COX10: variants seen among roughly 807,000 people sequenced by gnomAD.
COX10 encodes the protein protoheme IX farnesyltransferase, mitochondrial.
Under a neutral mutation model 37.3 loss-of-function variants are expected in COX10, and 27 were observed. That is an observed-to-expected ratio of 0.72 (90% CI 0.53 to 1.00). The LOEUF is 1.00. Ranked by LOEUF, COX10 falls within the 50% of genes least tolerant of loss-of-function variation. COX10 has a pLI of 0.00. For synonymous variants in COX10, 222 were observed against 229.1 expected (o/e 0.97, Z 0.28); for missense variants, 475 against 563.2 (o/e 0.84, Z 1.59).
In COX10 at chr17:14,115,113, C is replaced by G. The variant is rs996857794; in HGVS notation, c.624+12871C>G. Among the ~76,000 whole-genome samples the G allele has an allele frequency of 2.6e-5, 4 of 152,184 alleles. No individual in the cohort carries two copies. The East Asian group carries it at 7.7e-4, about 29-fold the overall frequency. ...TGGCTGCTGAATAAATGAAGGAGAG[C>G]ATGGGTCAACAAATGAGAACATAAA... On this transcript the variant is annotated intron_variant, in intron 4 of 6. Coordinates refer to ENST00000261643, the MANE Select transcript of COX10 (RefSeq NM_001303.4).
intron 4 of COX10, among the ~76,000 whole-genome samples, chr17:14,131,819 G>A (rs1465079907): frequency 1.3e-5 from 2 of 151,944 alleles, no homozygotes; most frequent in Non-Finnish European, 2.9e-5. Context: ...ACATACACAT[G>A]CCTGGAAAGG....
At chr17:14,151,692 A>G (rs1904902409) in intron 4 of COX10, among the ~76,000 whole-genome samples, 1 of 152,188 alleles carries the variant, frequency 6.6e-6, no homozygotes, top group Non-Finnish European at 1.5e-5. Flanking sequence ...ATGAAATTCA[A>G]TTAAAGTACA....
intron 6 of COX10, among the ~76,000 whole-genome samples, chr17:14,197,436 T>TC (rs1045480020): frequency 5.9e-5 from 9 of 152,126 alleles, no homozygotes; most frequent in African/African-American, 1.9e-4. Flanking sequence ...TGATTTTTTT[T>TC]CCCCCCACAA....
At chr17:14,126,007 C>T (rs1916335224) in intron 4 of COX10, among the ~76,000 whole-genome samples, 1 of 152,118 alleles carries the variant, frequency 6.6e-6, no homozygotes, top group African/African-American at 2.4e-5. Context: ...GGAGAACTCT[C>T]TCTGGGATAG....
intron 4 of COX10, among the ~76,000 whole-genome samples, chr17:14,106,126 C>G (rs544290649): frequency 3.9e-5 from 6 of 152,058 alleles, no homozygotes; most frequent in Non-Finnish European, 8.8e-5. Context: ...AAGCAATTCT[C>G]CTGCCGCAGC....
At chr17:14,136,148 A>G (rs930801020) in intron 4 of COX10, among the ~76,000 whole-genome samples, 18 of 152,016 alleles carry the variant, frequency 1.2e-4, no homozygotes, top group Admixed American at 1.1e-3. Flanking sequence ...ATTCATTGGG[A>G]AAGAGATGAA....
intron 5 of COX10, among the ~76,000 whole-genome samples, chr17:14,189,843 C>T (rs1389108315): frequency 1.3e-5 from 2 of 152,048 alleles, no homozygotes; most frequent in Admixed American, 6.5e-5. Flanking sequence ...TGTGTGTGGT[C>T]CACTCCATCA....
intron 4 of COX10, among the ~76,000 whole-genome samples, chr17:14,108,721 G>T (rs981419196): frequency 6.6e-6 from 1 of 152,112 alleles, no homozygotes; most frequent in Non-Finnish European, 1.5e-5. Flanking sequence ...TTATAGAGTA[G>T]GTAGGGCAAA....
At chr17:14,186,168 A>G (rs574540819) in intron 5 of COX10, among the ~76,000 whole-genome samples, 2 of 152,280 alleles carry the variant, frequency 1.3e-5, no homozygotes, top group Non-Finnish European at 2.9e-5. Context: ...TGACTTCCAC[A>G]TGGCAGGCAG....
intron 5 of COX10, among the ~76,000 whole-genome samples, chr17:14,165,593 C>T (rs1407247479): frequency 3.9e-5 from 6 of 152,124 alleles, no homozygotes; most frequent in Admixed American, 2.6e-4. Context: ...TTGAAATTAG[C>T]CCAATTAATA....
At chr17:14,167,146 A>G (rs1905313363) in intron 5 of COX10, among the ~76,000 whole-genome samples, 2 of 152,166 alleles carry the variant, frequency 1.3e-5, no homozygotes, top group African/African-American at 4.8e-5. Flanking sequence ...GAGGAGTTTA[A>G]TACTTCAGTG....
At chr17:14,130,442 A>G (rs986049717) in intron 4 of COX10, among the ~76,000 whole-genome samples, 15 of 152,098 alleles carry the variant, frequency 9.9e-5, no homozygotes, top group African/African-American at 3.6e-4. Flanking sequence ...ACATATAATA[A>G]TGTATTGCTT....
intron 3 of COX10, among the ~76,000 whole-genome samples, chr17:14,092,333 A>G (rs1342575368): frequency 6.6e-6 from 1 of 152,116 alleles, no homozygotes; most frequent in Admixed American, 6.5e-5. Flanking sequence ...TGCTTAGTAA[A>G]TTTGAAGGTA....
intron 4 of COX10, among the ~76,000 whole-genome samples, chr17:14,125,946 C>G (rs1467977308): frequency 6.6e-6 from 1 of 152,098 alleles, no homozygotes; most frequent in Admixed American, 6.6e-5. Flanking sequence ...TTTGTTACAC[C>G]TCTATTAGGA....
chr17:14,187,280 A>G (rs199808192), intron 5 of COX10, among the ~76,000 whole-genome samples: 2 of 152,144 alleles, frequency 1.3e-5, no homozygotes, highest in Middle Eastern at 3.2e-3. Context: ...AAGTCTACCC[A>G]TAAGATATTT....
At chr17:14,119,807 T>C (rs1053651913) in intron 4 of COX10, among the ~76,000 whole-genome samples, 1 of 147,650 alleles carries the variant, frequency 6.8e-6, no homozygotes, top group Non-Finnish European at 1.5e-5. Context: ...GCTCAGACCA[T>C]GAATAGTCTT....
intron 4 of COX10, among the ~76,000 whole-genome samples, chr17:14,156,678 G>C (rs1905047007): frequency 6.6e-6 from 1 of 152,116 alleles, no homozygotes; most frequent in South Asian, 2.1e-4. Flanking sequence ...TGGAGTGCTT[G>C]TCCCTCCTAC....
At chr17:14,193,110 A>C (rs1298481895) in intron 6 of COX10, among the ~76,000 whole-genome samples, 1 of 152,238 alleles carries the variant, frequency 6.6e-6, no homozygotes, top group Non-Finnish European at 1.5e-5. Context: ...ACCATATTCT[A>C]AAACGTATGT....
chr17:14,143,173 C>T (rs562180164), intron 4 of COX10, among the ~76,000 whole-genome samples: 16 of 152,260 alleles, frequency 1.1e-4, no homozygotes, highest in African/African-American at 3.6e-4. Context: ...CCCGTGTTGT[C>T]TTCTTAAGAC....
Sources: gnomAD v4.1 joint callset for allele counts (sites outside exome capture counted in the v4.1 genomes callset) on GRCh38, gnomAD v4.1.1 for gene constraint, MANE v1.5 for transcripts, NCBI Gene and HGNC (gene_info 2026-07-23, HGNC 2026-07-21) for gene names.